Variants in PCAT7 observed in about 807,000 individuals in gnomAD.
PCAT7 encodes the protein prostate cancer associated transcript 7, also known as prostate cancer associated transcript 7 (non-protein coding).
intron 2 of PCAT7, chr9:94,569,896 A>G (rs571833646): frequency 7.2e-4 from 109 of 152,300 alleles, no homozygotes; most frequent in African/African-American, 2.6e-3. Context: ...TGCCTCCATA[A>G]GCTACTGGCC....
chr9:94,555,664 C>T (rs1826997953), intron 1 of PCAT7, among the ~76,000 whole-genome samples: 1 of 149,530 alleles, frequency 6.7e-6, no homozygotes, highest in Admixed American at 6.7e-5. Flanking sequence ...GGTAGAGGAG[C>T]AAAAGAAGAT....
chr9:94,571,539 CTGCGGCCACAATAT>C (rs1827269388), intron 2 of PCAT7: 13 of 1,613,930 alleles, frequency 8.1e-6, no homozygotes, highest in Admixed American at 1.7e-5. Flanking sequence ...AGCGCATAAC[CTGCGGCCACAATAT>C]TGCGGCCACA....
intron 2 of PCAT7, chr9:94,569,636 C>T (rs995050080): frequency 1.3e-5 from 2 of 152,096 alleles, no homozygotes; most frequent in Admixed American, 6.5e-5. Context: ...TCACCAACAA[C>T]GGCTGATTTT....
chr9:94,571,398 T>C, intron 2 of PCAT7: 5 of 1,459,468 alleles, frequency 3.4e-6, no homozygotes, highest in Non-Finnish European at 4.6e-6. Context: ...CGCAGAGAAC[T>C]GGCATTAAGG....
At chr9:94,571,547 A>G (rs920924311) in intron 2 of PCAT7, 3 of 1,613,798 alleles carry the variant, frequency 1.9e-6, no homozygotes, top group Non-Finnish European at 1.7e-6. Context: ...ACCTGCGGCC[A>G]CAATATTGCG....
rs114437919 is a variant in PCAT7 at position 94,562,819 on chromosome 9, A to G, written n.441+3667A>G. ...GACCTTCCAGGAACTACCTTTCCAG[A>G]TATATTGGCTGAGTTCTGAGTAGAA... On this transcript the variant is annotated intron_variant and non_coding_transcript_variant, in intron 2 of 8. Coordinates refer to ENST00000647389, the Ensembl canonical transcript of PCAT7. Among the ~76,000 whole-genome samples, 360 of 152,260 alleles carry G rather than the reference A, an allele frequency of 2.4e-3. 1 individual carries two copies. The highest frequency in any genetic ancestry group is 8.2e-3 in the African/African-American group (342 of 41,528).
At chr9:94,554,856 T>C (rs772011361), upstream of PCAT7, among the ~76,000 whole-genome samples, 22 of 152,152 alleles carry the variant, frequency 1.4e-4, no homozygotes, top group Non-Finnish European at 2.1e-4. Flanking sequence ...GGGTACGTAG[T>C]AGCTCCCCAC....
At chr9:94,555,874 A>G (rs1164221937) in intron 1 of PCAT7, among the ~76,000 whole-genome samples, 1 of 149,028 alleles carries the variant, frequency 6.7e-6, no homozygotes, top group Non-Finnish European at 1.5e-5. Context: ...TTTGGGGAAA[A>G]GACGGGAAAA....
intron 1 of PCAT7, among the ~76,000 whole-genome samples, chr9:94,558,535 C>T (rs563048738): frequency 2.3e-3 from 343 of 152,258 alleles, no homozygotes; most frequent in African/African-American, 7.3e-3. Context: ...CCCCGTGATC[C>T]GCTGGCCTCG....
chr9:94,566,354 AAAACCG>A lies in PCAT7; in HGVS notation n.442-6624_442-6619del, dbSNP rs1332537021. Among the ~76,000 whole-genome samples the A allele has an allele frequency of 7.2e-5, 11 of 152,394 alleles. No individual in the cohort carries two copies. The East Asian group carries it at 1.9e-3, about 27-fold the overall frequency. ...GGAACACCTGGCCCGCCCAGGGTGG[AAAACCG>A]CTTAAAGGCATTCTTAAGCCACAAA... On this transcript the variant is annotated intron_variant and non_coding_transcript_variant, in intron 2 of 8. Transcript: ENST00000647389.
intron 1 of PCAT7, among the ~76,000 whole-genome samples, chr9:94,555,915 G>T (rs1027757453): frequency 5.3e-5 from 8 of 150,848 alleles, no homozygotes; most frequent in African/African-American, 1.7e-4. Flanking sequence ...GCAAAAAGGA[G>T]GGTGGCAAGC....
At chr9:94,571,369 G>C in intron 2 of PCAT7, 1 of 1,297,548 alleles carries the variant, frequency 7.7e-7, no homozygotes, top group Non-Finnish European at 1.0e-6. Flanking sequence ...ACAAGTATTA[G>C]GAATAACCAG....
At chr9:94,570,218 A>G (rs550460141) in intron 2 of PCAT7, 1 of 152,320 alleles carries the variant, frequency 6.6e-6, no homozygotes, top group African/African-American at 2.4e-5. Context: ...GAGTCAAAGC[A>G]TCTCCCATCA....
At chr9:94,572,471 A>G (rs983945123) in intron 2 of PCAT7, among the ~76,000 whole-genome samples, 3 of 152,164 alleles carry the variant, frequency 2.0e-5, no homozygotes, top group African/African-American at 7.2e-5. Flanking sequence ...GTAAACCCGA[A>G]TGTTCTTGCC....
At chr9:94,554,743 C>T (rs1426438321), upstream of PCAT7, among the ~76,000 whole-genome samples, 2 of 152,330 alleles carry the variant, frequency 1.3e-5, no homozygotes, top group East Asian at 3.9e-4. Context: ...CCTACCGCTC[C>T]GTCACCACCA....
At chr9:94,571,335 C>A (rs947307722) in intron 2 of PCAT7, 1 of 1,004,190 alleles carries the variant, frequency 1.0e-6, no homozygotes, top group African/African-American at 1.7e-5. Flanking sequence ...CCAAACTAGG[C>A]TCTCAGGACC....
At chr9:94,561,772 G>A (rs1041017722) in intron 2 of PCAT7, among the ~76,000 whole-genome samples, 4 of 152,106 alleles carry the variant, frequency 2.6e-5, no homozygotes, top group African/African-American at 4.8e-5. Flanking sequence ...ACAGAGAGAC[G>A]TCGGCACAGG....
At chr9:94,572,993 T>G (rs1157154259) in exon 3 of PCAT7, 1 of 152,228 alleles carries the variant, frequency 6.6e-6, no homozygotes, top group Non-Finnish European at 1.5e-5. Flanking sequence ...CTTGGGATTT[T>G]CTACATAGAC....
intron 2 of PCAT7, among the ~76,000 whole-genome samples, chr9:94,561,352 A>ACT (rs1827097696): frequency 1.1e-4 from 6 of 54,970 alleles, no homozygotes; most frequent in African/African-American, 4.7e-4. Flanking sequence ...TGTGACCTGT[A>ACT]TTTTTTTTTT....
Sources: gnomAD v4.1 joint callset for allele counts (sites outside exome capture counted in the v4.1 genomes callset) on GRCh38, gnomAD v4.1.1 for gene constraint, MANE v1.5 for transcripts, NCBI Gene and HGNC (gene_info 2026-07-23, HGNC 2026-07-21) for gene names.